Variants in ZC3H12C observed in about 807,000 individuals in gnomAD.
ZC3H12C encodes probable ribonuclease ZC3H12C.
Under a neutral mutation model 76.3 loss-of-function variants are expected in ZC3H12C, and 20 were observed. The ratio of observed to expected loss-of-function variants is 0.26; its 90% CI spans 0.18 to 0.38. The LOEUF is 0.38. Ranked by LOEUF, ZC3H12C falls within the 10% of genes least tolerant of loss-of-function variation. The pLI is 1.00. For missense variants in ZC3H12C, 874 were observed against 1,086.5 expected (o/e 0.80, Z 2.75); for synonymous variants, 352 against 399.6 (o/e 0.88, Z 1.42).
chr11:110,102,639 T>C (rs971679000), intron 1 of ZC3H12C, among the ~76,000 whole-genome samples: 10 of 152,192 alleles, frequency 6.6e-5, no homozygotes, highest in Admixed American at 5.9e-4. Context: ...TTTGAGAGCA[T>C]TGACTCCAAC....
intron 1 of ZC3H12C, among the ~76,000 whole-genome samples, chr11:110,098,177 T>C (rs1192026212): frequency 6.6e-6 from 1 of 152,164 alleles, no homozygotes; most frequent in African/African-American, 2.4e-5. Flanking sequence ...GTGATCTTGG[T>C]GATCCTGACC....
chr11:110,129,377 A>G (rs1861817932), intron 1 of ZC3H12C, among the ~76,000 whole-genome samples: 2 of 152,204 alleles, frequency 1.3e-5, no homozygotes, highest in Non-Finnish European at 2.9e-5. Context: ...TAACTGAAAC[A>G]TCTTAACCAT....
intron 1 of ZC3H12C, among the ~76,000 whole-genome samples, chr11:110,110,964 A>G (rs1861417468): frequency 6.6e-6 from 1 of 152,168 alleles, no homozygotes; most frequent in Admixed American, 6.5e-5. Context: ...AATTTTGTGG[A>G]TTTGGTTGAG....
intron 1 of ZC3H12C, 33 bp from the exon 2 acceptor site, chr11:110,136,630 A>G (rs1426660264): frequency 1.3e-6 from 2 of 1,585,362 alleles, no homozygotes; most frequent in African/African-American, 1.4e-5. Flanking sequence ...AGCCATAACT[A>G]TGAAATTCTA....
intron 1 of ZC3H12C, among the ~76,000 whole-genome samples, chr11:110,121,404 G>T (rs1438450204): frequency 6.6e-6 from 1 of 152,194 alleles, no homozygotes. Context: ...TGTTCAGGAT[G>T]ATTCATATTC....
rs572073243 is a variant in ZC3H12C, at chr11:110,106,272, AAAATAAAT to A, written c.21+12864_21+12871del. 2.2e-4 allele frequency among the ~76,000 whole-genome samples: 4 copies of A among 18,250 alleles called. 2 individuals are homozygous for A. Among genetic ancestry groups the A allele is most frequent in the South Asian group, 2.1e-3 (2 of 962 alleles). The allele number at this position is 18,250 out of a possible 152,430, so 12.0% of individuals were successfully genotyped here. A position where few individuals can be genotyped will look rare whatever the true frequency, so the allele number is the denominator to read the frequency against. ...GACAGAGCGAGACTCCGTCTCAAAA[AAAATAAAT>A]AAATAAATAAATAAATAAATAAAAG... On this transcript the variant is annotated intron_variant, in intron 1 of 5. Coordinates refer to ENST00000278590, the MANE Select transcript of ZC3H12C (RefSeq NM_033390.2).
At chr11:110,127,137 A>T (rs756481921) in intron 1 of ZC3H12C, among the ~76,000 whole-genome samples, 1 of 152,224 alleles carries the variant, frequency 6.6e-6, no homozygotes, top group Non-Finnish European at 1.5e-5. Flanking sequence ...CGCTTTCAAC[A>T]GTACTTTCTG....
At chr11:110,114,737 T>C (rs73549296) in intron 1 of ZC3H12C, among the ~76,000 whole-genome samples, 2,589 of 152,334 alleles carry the variant, frequency 0.017, 76 homozygotes, top group African/African-American at 0.059. Flanking sequence ...AACTAAGGTA[T>C]TTTATATTTA....
chr11:110,098,008 CCTT>C (rs755534912), intron 1 of ZC3H12C, among the ~76,000 whole-genome samples: 1 of 152,246 alleles, frequency 6.6e-6, no homozygotes, highest in Non-Finnish European at 1.5e-5. Flanking sequence ...AGAGTGTACT[CCTT>C]CTACTTATAC....
At chr11:110,122,551 T>C (rs1262089886) in intron 1 of ZC3H12C, among the ~76,000 whole-genome samples, 2 of 152,200 alleles carry the variant, frequency 1.3e-5, no homozygotes, top group African/African-American at 2.4e-5. Context: ...CCCCAATTGA[T>C]GGTTGTTCAC....
At chr11:110,122,041 A>G (rs1214191510) in intron 1 of ZC3H12C, among the ~76,000 whole-genome samples, 1 of 152,236 alleles carries the variant, frequency 6.6e-6, no homozygotes, top group East Asian at 1.9e-4. Context: ...TTGGTCAAGC[A>G]GTTTTTAATT....
intron 1 of ZC3H12C, chr11:110,136,382 G>A (rs1380328386): frequency 2.2e-5 from 7 of 316,232 alleles, no homozygotes; most frequent in Middle Eastern, 9.2e-4. Context: ...AGTGGGAAAA[G>A]CATGGGTTTT....
intron 1 of ZC3H12C, among the ~76,000 whole-genome samples, chr11:110,133,813 G>T (rs1295883537): frequency 2.0e-5 from 3 of 152,068 alleles, no homozygotes; most frequent in Non-Finnish European, 4.4e-5. Flanking sequence ...TTAGATAGAA[G>T]ATATAGAAAG....
intron 2 of ZC3H12C, among the ~76,000 whole-genome samples, chr11:110,141,689 C>T (rs1002938465): frequency 6.6e-6 from 1 of 152,116 alleles, no homozygotes; most frequent in African/African-American, 2.4e-5. Context: ...ATCAAAATTA[C>T]GTGCAGTAGA....
intron 1 of ZC3H12C, among the ~76,000 whole-genome samples, chr11:110,126,533 A>C (rs761256550): frequency 6.6e-6 from 1 of 151,978 alleles, no homozygotes; most frequent in Non-Finnish European, 1.5e-5. Flanking sequence ...TTTCTTTCTT[A>C]TTATTAAAAT....
chr11:110,145,455 T>C (rs113786151), intron 2 of ZC3H12C, among the ~76,000 whole-genome samples: 2,430 of 152,328 alleles, frequency 0.016, 60 homozygotes, highest in African/African-American at 0.054. Flanking sequence ...TCCTTTTACC[T>C]GAAACTGAGT....
At chr11:110,116,287 ACTTTAAT>A (rs2134157946) in intron 1 of ZC3H12C, among the ~76,000 whole-genome samples, 2 of 150,984 alleles carry the variant, frequency 1.3e-5, no homozygotes, top group African/African-American at 4.9e-5. Context: ...TAATCCCAGC[ACTTTAAT>A]CTTCAATAAT....
intron 2 of ZC3H12C, among the ~76,000 whole-genome samples, chr11:110,141,484 G>A (rs1344104714): frequency 2.6e-5 from 4 of 152,106 alleles, no homozygotes. Context: ...TCTTGCCTAG[G>A]CTCTAAAATT....
At chr11:110,144,644 A>G (rs1053985666) in intron 2 of ZC3H12C, among the ~76,000 whole-genome samples, 50 of 152,216 alleles carry the variant, frequency 3.3e-4, no homozygotes, top group African/African-American at 1.2e-3. Flanking sequence ...TACGTATTAT[A>G]TAAGTTTTAG....
Sources: allele counts gnomAD v4.1 joint callset (sites outside exome capture counted in the v4.1 genomes callset), GRCh38; gene constraint gnomAD v4.1.1; transcripts MANE v1.5; gene names NCBI Gene and HGNC (gene_info 2026-07-23, HGNC 2026-07-21).